CA5A: variants seen among roughly 807,000 people sequenced by gnomAD.
CA5A encodes the protein carbonic anhydrase 5A, also known as carbonic anhydrase 5A, mitochondrial.
In CA5A, 28 loss-of-function variants were observed where a neutral mutation model predicts 37.1. The observed-to-expected ratio is 0.75, with a 90% CI of 0.56 to 1.03. The LOEUF is 1.03. Ranked by LOEUF, CA5A falls within the 50% of genes least tolerant of loss-of-function variation. The pLI, the probability that CA5A is intolerant of heterozygous loss-of-function variation, is 0.00. For synonymous variants in CA5A, 171 were observed against 158.4 expected (o/e 1.08, Z -0.60); for missense variants, 444 against 399.9 (o/e 1.11, Z -0.94).
At chr16:87,913,189 G>A (rs2056077354) in intron 2 of CA5A, among the ~76,000 whole-genome samples, 1 of 152,244 alleles carries the variant, frequency 6.6e-6, no homozygotes, top group African/African-American at 2.4e-5. Context: ...ATGTTGGCCA[G>A]GCTGGTCTCA....
intron 2 of CA5A, chr16:87,924,360 G>A (rs2056273088): frequency 8.2e-6 from 8 of 969,872 alleles, no homozygotes; most frequent in Non-Finnish European, 9.8e-6. Flanking sequence ...GAGAGACACT[G>A]GAAGGACCAA....
At chr16:87,899,545 A>T (rs531986405) in intron 5 of CA5A, among the ~76,000 whole-genome samples, 1 of 150,436 alleles carries the variant, frequency 6.6e-6, no homozygotes, top group Non-Finnish European at 1.5e-5. Context: ...TCAAGTGATA[A>T]GCCCGCCTTG....
chr16:87,886,155 T>G (rs1253925881), downstream of CA5A: 3 of 150,622 alleles, frequency 2.0e-5, no homozygotes, highest in Non-Finnish European at 3.0e-5. Context: ...TTTTTTTTTT[T>G]TTTTTTTTTT....
At chr16:87,933,737 A>T (rs1373985923) in intron 1 of CA5A, among the ~76,000 whole-genome samples, 1 of 152,170 alleles carries the variant, frequency 6.6e-6, no homozygotes, top group African/African-American at 2.4e-5. Context: ...TCTCAAGGCC[A>T]AACCACCAGT....
chr16:87,932,688 C>G (rs761346491), intron 1 of CA5A, among the ~76,000 whole-genome samples: 10 of 151,964 alleles, frequency 6.6e-5, no homozygotes, highest in Non-Finnish European at 1.3e-4. Flanking sequence ...GACATGGAAT[C>G]AAAGACGCCA....
At chr16:87,907,955 G>A (rs899987556) in intron 2 of CA5A, among the ~76,000 whole-genome samples, 4 of 152,112 alleles carry the variant, frequency 2.6e-5, no homozygotes, top group African/African-American at 4.8e-5. Flanking sequence ...AAACAAAAGC[G>A]GTTGTTTCCG....
intron 2 of CA5A, among the ~76,000 whole-genome samples, chr16:87,920,803 T>C (rs907935383): frequency 2.0e-5 from 3 of 152,028 alleles, no homozygotes; most frequent in African/African-American, 7.2e-5. Context: ...ATTTTTACTT[T>C]TTTTTTTGAG....
chr16:87,926,406 C>T (rs550003602), intron 2 of CA5A, among the ~76,000 whole-genome samples: 2 of 152,288 alleles, frequency 1.3e-5, no homozygotes, highest in East Asian at 3.9e-4. Context: ...AGTTCCTCTT[C>T]CGACGCGCAA....
chr16:87,901,942 C>A lies in CA5A; in HGVS notation c.588G>T (p.Leu196=), dbSNP rs2055884463. The change falls in exon 5 of 7, where the codon CTG becomes CTT. Residue 196 remains leucine, a synonymous_variant. Coordinates refer to ENST00000649794, the MANE Select transcript of CA5A (RefSeq NM_001739.2). Reference sequence around the variant, plus strand: ...GTTTTATTTCCGGCAAGATGTCCACCAGCCTCTGCAGCGTCTGATGATGGG... The same window carrying A: ...GTTTTATTTCCGGCAAGATGTCCACAAGCCTCTGCAGCGTCTGATGATGGG... ...LGAHHQTLQR[L]VDILPEIKHK... 6.2e-7 allele frequency: 1 copy of A among 1,613,630 alleles called. No homozygotes were observed. Among genetic ancestry groups the A allele is most frequent in the Non-Finnish European group, 8.5e-7 (1 of 1,179,806 alleles).
At chr16:87,926,569 C>T (rs553779063) in intron 2 of CA5A, among the ~76,000 whole-genome samples, 179 bp downstream of exon 2, 4 of 152,238 alleles carry the variant, frequency 2.6e-5, no homozygotes, top group Non-Finnish European at 4.4e-5. Flanking sequence ...CCTGTCCCCT[C>T]GAGAACCTTC....
chr16:87,924,322 G>A (rs371261148), intron 2 of CA5A: 11 of 984,950 alleles, frequency 1.1e-5, no homozygotes, highest in African/African-American at 3.5e-5. Context: ...TACAGGCAGC[G>A]TGGCTCCTTC....
chr16:87,922,355 C>T (rs752060845), intron 2 of CA5A, among the ~76,000 whole-genome samples: 5 of 152,142 alleles, frequency 3.3e-5, no homozygotes, highest in Non-Finnish European at 5.9e-5. Flanking sequence ...GATTCTTGAC[C>T]AAAAGCAGGC....
intron 4 of CA5A, 44 bp from the exon 5 acceptor site, chr16:87,902,018 TG>T (rs754969250): frequency 7.1e-5 from 110 of 1,541,894 alleles, no homozygotes; most frequent in African/African-American, 6.8e-5. Flanking sequence ...AGGCAGTGGA[TG>T]GGGGGGGAAG....
chr16:87,903,100 C>G (rs1486648607), intron 3 of CA5A, among the ~76,000 whole-genome samples: 1 of 151,960 alleles, frequency 6.6e-6, no homozygotes, highest in Non-Finnish European at 1.5e-5. Context: ...TCATTATTTT[C>G]TACTTCCTAG....
chr16:87,929,797 G>A (rs898850697), intron 1 of CA5A, among the ~76,000 whole-genome samples: 10 of 149,236 alleles, frequency 6.7e-5, no homozygotes, highest in African/African-American at 9.9e-5. Flanking sequence ...GCGTGAGCCC[G>A]GGAGGCGGAG....
intron 2 of CA5A, among the ~76,000 whole-genome samples, chr16:87,924,936 C>A (rs1304600164): frequency 2.0e-5 from 3 of 152,198 alleles, no homozygotes; most frequent in Non-Finnish European, 4.4e-5. Flanking sequence ...CAGTGGCCAT[C>A]CCTTCTCTCC....
chr16:87,926,952 G>A lies in CA5A; in HGVS notation c.143-7C>T. 6.5e-7 allele frequency: 1 copy of A among 1,539,962 alleles called. No homozygotes were observed. On this transcript the variant is annotated splice_region_variant and splice_polypyrimidine_tract_variant and intron_variant, in intron 1 of 6. Coordinates refer to ENST00000649794, the MANE Select transcript of CA5A (RefSeq NM_001739.2). ...ACCGTCCAGAGTGGGTGCACTGCAGGGAGAGAGACGGAGACCCTGAGTGAG... is the reference window on the plus strand; with the variant it reads ...ACCGTCCAGAGTGGGTGCACTGCAGAGAGAGAGACGGAGACCCTGAGTGAG...
intron 6 of CA5A, among the ~76,000 whole-genome samples, chr16:87,890,496 C>T (rs2055697284): frequency 6.6e-6 from 1 of 152,232 alleles, no homozygotes; most frequent in South Asian, 2.1e-4. Flanking sequence ...TGAGAAACGT[C>T]TGCCGGGCGG....
chr16:87,913,819 G>A (rs144201699), intron 2 of CA5A, among the ~76,000 whole-genome samples: 11 of 152,184 alleles, frequency 7.2e-5, no homozygotes, highest in East Asian at 1.9e-4. Flanking sequence ...TTGCAGGCTC[G>A]CTGAGTAGAC....
Sources: allele counts gnomAD v4.1 joint callset (sites outside exome capture counted in the v4.1 genomes callset), GRCh38; gene constraint gnomAD v4.1.1; transcripts MANE v1.5; gene names NCBI Gene and HGNC (gene_info 2026-07-23, HGNC 2026-07-21).